The following SEC63 variants were observed in gnomAD, a reference collection of about 807,000 sequenced individuals.
The protein encoded by SEC63 is translocation protein SEC63 homolog.
SEC63 carries 56 observed loss-of-function variants against 116.2 expected under a neutral mutation model. The ratio of observed to expected loss-of-function variants is 0.48; its 90% confidence interval spans 0.39 to 0.60. The LOEUF (loss-of-function observed/expected upper bound fraction) is 0.60, where lower values mean the gene tolerates loss of function less well. SEC63 is among the 20% of genes least tolerant of loss of function. SEC63 has a pLI of 0.00. For missense variants in SEC63, 668 were observed against 900.0 expected, an observed-to-expected ratio of 0.74 and a Z score of 3.30; for synonymous variants, 273 against 294.6, an observed-to-expected ratio of 0.93 and a Z score of 0.75.
At position 107,893,565 on chromosome 6, in the gene SEC63, G is replaced by C. The variant is rs749623246; in HGVS notation, c.1591C>G (p.Pro531Ala). 1 of 1,595,394 alleles carries C rather than the reference G, an allele frequency of 6.3e-7. No homozygotes were observed. The highest frequency in any genetic ancestry group is 2.2e-5 in the East Asian group (1 of 44,798). The change falls in exon 16 of 21, where the codon CCT becomes GCT. Residue 531 changes from proline (P) to alanine (A), a missense_variant. Around this residue, in one of 5 missense-constraint regions of SEC63, gnomAD observed 430 missense variants for 557.5 expected, o/e 0.77. Transcript: ENST00000369002. ...KKTAKSKKKKPLKKKPTPVLL... is the reference protein window; with the variant it reads ...KKTAKSKKKKALKKKPTPVLL... Reference sequence around the variant, plus strand: ...ACAGGTGTAGGTTTTTTTTTTAAAGGTTTCTTTTTTTTTGATTTAGCAGTT... The same window carrying C: ...ACAGGTGTAGGTTTTTTTTTTAAAGCTTTCTTTTTTTTTGATTTAGCAGTT...
intron 19 of SEC63, 51 bp downstream of exon 19, chr6:107,876,513 G>A (rs1423239073): frequency 2.9e-6 from 3 of 1,042,976 alleles, no homozygotes; most frequent in East Asian, 2.4e-5. Flanking sequence ...GCAGCATGAT[G>A]GTGACAGCTG....
At chr6:107,956,031 G>T in intron 1 of SEC63, 1 of 414,536 alleles carries the variant, frequency 2.4e-6, no homozygotes. Flanking sequence ...TGTAAGGCCA[G>T]CTACTCGGGG....
chr6:107,891,716 A>C (rs1212605744), intron 16 of SEC63, among the ~76,000 whole-genome samples: 2 of 152,082 alleles, frequency 1.3e-5, no homozygotes, highest in East Asian at 3.9e-4. Flanking sequence ...TTGGTCTTTG[A>C]AGTCAGTGAC....
At chr6:107,945,761 CCTT>C (rs142659061) in intron 1 of SEC63, among the ~76,000 whole-genome samples, 1,763 of 152,136 alleles carry the variant, frequency 0.012, 27 homozygotes, top group African/African-American at 0.039. Flanking sequence ...TTTGTAATCA[CCTT>C]CTTTATGTCT....
chr6:107,917,854 G>A (rs1213045016), intron 4 of SEC63, among the ~76,000 whole-genome samples: 1 of 152,230 alleles, frequency 6.6e-6, no homozygotes, highest in Non-Finnish European at 1.5e-5. Flanking sequence ...GCAAGGTGAA[G>A]TAGCAAGTGC....
At position 107,913,009 on chromosome 6, in the gene SEC63, C is replaced by T. The variant is rs540525305; in HGVS notation, c.515-235G>A. Among the ~76,000 whole-genome samples the T allele has an allele frequency of 2.0e-5, 3 of 152,222 alleles. No individual in the cohort carries two copies. In the East Asian group the frequency reaches 5.8e-4, roughly 29 times the overall value. On this transcript the variant is annotated intron_variant, in intron 5 of 20. Coordinates refer to ENST00000369002, the MANE Select transcript of SEC63 (RefSeq NM_007214.5). The stretch of plus-strand genomic sequence containing the variant: ...AAAGAAACCCTGTAAGTACAAATTC[C>T]TTCTCTCAAGAAAATATAAATTATT...
intron 3 of SEC63, among the ~76,000 whole-genome samples, chr6:107,922,809 T>C (rs1011516527): frequency 3.3e-5 from 5 of 150,876 alleles, no homozygotes; most frequent in African/African-American, 1.2e-4. Flanking sequence ...GAAAACTAGA[T>C]GATACACACC....
In SEC63 at chr6:107,897,631, TAC is replaced by T. The variant is rs1311698442; in HGVS notation, c.1440+16_1440+17del. On this transcript the variant is annotated intron_variant, in intron 14 of 20. Transcript: ENST00000369002. The stretch of plus-strand genomic sequence containing the variant: ...ACACACAACTCTTAAAGCATAAAAA[TAC>T]AGATAGACTACTTACAGCCATTGTT... 1 of 1,484,984 alleles carries T rather than the reference TAC, an allele frequency of 6.7e-7. No homozygotes were observed. Among genetic ancestry groups the T allele is most frequent in the South Asian group, 1.1e-5 (1 of 88,380 alleles). 92.0% of individuals were successfully genotyped at this position (1,484,984 alleles called of 1,614,324 possible).
At chr6:107,876,880 G>T (rs1260360557) in intron 18 of SEC63, 4 of 509,396 alleles carry the variant, frequency 7.9e-6, no homozygotes, top group Non-Finnish European at 1.4e-5. Context: ...CAATTTTGGG[G>T]ATTTCAATAG....
At chr6:107,891,766 T>C (rs1786688721) in intron 16 of SEC63, among the ~76,000 whole-genome samples, 1 of 152,186 alleles carries the variant, frequency 6.6e-6, no homozygotes, top group Non-Finnish European at 1.5e-5. Flanking sequence ...TTTTTGTTGG[T>C]GTTGATACTA....
intron 8 of SEC63, among the ~76,000 whole-genome samples, chr6:107,907,858 A>G (rs898679606): frequency 6.6e-6 from 1 of 152,232 alleles, no homozygotes; most frequent in Non-Finnish European, 1.5e-5. Flanking sequence ...CCAGCTAAAC[A>G]ATGCTTCTCT....
intron 1 of SEC63, among the ~76,000 whole-genome samples, chr6:107,949,608 A>G (rs1234203929): frequency 1.3e-5 from 2 of 152,356 alleles, no homozygotes; most frequent in Non-Finnish European, 1.5e-5. Flanking sequence ...TAGAAAACAA[A>G]TAGCAAAATG....
intron 3 of SEC63, among the ~76,000 whole-genome samples, chr6:107,923,258 T>C (rs1029040997): frequency 6.6e-6 from 1 of 151,810 alleles, no homozygotes; most frequent in African/African-American, 2.4e-5. Context: ...ACCACAGGGG[T>C]GTGTCACCAC....
chr6:107,956,842 C>T (rs528739802), intron 1 of SEC63, among the ~76,000 whole-genome samples: 3 of 152,128 alleles, frequency 2.0e-5, no homozygotes, highest in Non-Finnish European at 2.9e-5. Flanking sequence ...AGTATATAAC[C>T]TGGACAACCT....
At chr6:107,877,964 G>A (rs954026681) in intron 18 of SEC63, among the ~76,000 whole-genome samples, 12 of 152,292 alleles carry the variant, frequency 7.9e-5, no homozygotes, top group Middle Eastern at 3.4e-3. Flanking sequence ...TGCTTAAACC[G>A]AGGGTTAGGA....
intron 1 of SEC63, among the ~76,000 whole-genome samples, chr6:107,938,646 TC>T (rs1770308493): frequency 6.6e-6 from 1 of 150,622 alleles, no homozygotes; most frequent in African/African-American, 2.4e-5. Flanking sequence ...CACTGCAACC[TC>T]CAACTCCCAG....
chr6:107,957,777 C>T (rs937579883), intron 1 of SEC63, 109 bp downstream of exon 1: 2 of 1,204,086 alleles, frequency 1.7e-6, no homozygotes, highest in Non-Finnish European at 2.1e-6. Flanking sequence ...CCGCACCGTC[C>T]CTGTCATCCC....
rs1296826562 is a variant in SEC63, at chr6:107,902,936, C to T, written c.1117G>A (p.Ala373Thr). The change falls in exon 12 of 21, where the codon GCC becomes ACC. Residue 373 changes from alanine (A) to threonine (T), a missense_variant. Ala to Thr is a moderately conservative substitution (Grantham distance 58, BLOSUM62 0). This residue lies in a region of SEC63 where 430 missense variants were observed against 557.5 expected (regional missense o/e 0.77). Transcript: ENST00000369002. ...TTAAATTGCTGAAGTCCCTGAACGG[C>T]CATCTGAGAAAGCTTCATGCAGTTT... is the stretch of plus-strand genomic sequence containing the variant. ...LENCMKLSQM[A>T]VQGLQQFKSP... The T allele has an allele frequency of 4.3e-6, 7 of 1,613,758 alleles. No homozygotes were observed. The highest frequency in any genetic ancestry group is 5.9e-6 in the Non-Finnish European group (7 of 1,179,846).
intron 11 of SEC63, among the ~76,000 whole-genome samples, chr6:107,903,515 G>A (rs1299709749): frequency 6.6e-6 from 1 of 152,010 alleles, no homozygotes; most frequent in Non-Finnish European, 1.5e-5. Flanking sequence ...AGACCAGTCT[G>A]GGCGACAAAG....
Sources: allele counts gnomAD v4.1 joint callset (sites outside exome capture counted in the v4.1 genomes callset), GRCh38; gene constraint gnomAD v4.1.1; regional missense constraint gnomAD v4.1.1; transcripts MANE v1.5; gene names NCBI Gene and HGNC (gene_info 2026-07-23, HGNC 2026-07-21).